FARSA: variants seen among roughly 807,000 people sequenced by gnomAD.
The protein encoded by FARSA is phenylalanine--tRNA ligase alpha subunit.
Under a neutral mutation model 63.2 loss-of-function variants are expected in FARSA, and 37 were observed. The observed-to-expected ratio is 0.59, with a 90% CI of 0.45 to 0.77. The LOEUF (loss-of-function observed/expected upper bound fraction) is 0.77. Among genes scored for constraint, FARSA ranks in the 30% least tolerant of loss-of-function variants. The pLI, the probability that FARSA is intolerant of heterozygous loss-of-function variation, is 0.00. For missense variants in FARSA, 618 were observed against 696.6 expected, an observed-to-expected ratio of 0.89 and a Z score of 1.27; for synonymous variants, 312 against 285.1, an observed-to-expected ratio of 1.09 and a Z score of -0.95.
chr19:12,929,535 A>G (rs563056716), intron 4 of FARSA, among the ~76,000 whole-genome samples: 2 of 151,876 alleles, frequency 1.3e-5, no homozygotes, highest in Admixed American at 1.3e-4. Flanking sequence ...GGGTCTCTCT[A>G]TGTTGCCCAG....
At chr19:12,925,060 C>A in intron 8 of FARSA, 30 bp downstream of exon 8, 1 of 1,612,426 alleles carries the variant, frequency 6.2e-7, no homozygotes, top group Middle Eastern at 1.7e-4. Flanking sequence ...CAGCCTCCTT[C>A]CCTTCCATAC....
At chr19:12,927,429 A>G (rs187707616) in intron 7 of FARSA, among the ~76,000 whole-genome samples, 270 of 152,096 alleles carry the variant, frequency 1.8e-3, no homozygotes, top group Non-Finnish European at 3.1e-3. Flanking sequence ...AGAACAAAAC[A>G]AAACAAAAAT....
intron 7 of FARSA, among the ~76,000 whole-genome samples, chr19:12,926,920 G>A (rs62109865): frequency 0.048 from 7,337 of 152,308 alleles, 234 homozygotes; most frequent in Middle Eastern, 0.071. Flanking sequence ...TGGCTAGTAT[G>A]TGATGAGTGC....
chr19:12,933,380 T>G, intron 1 of FARSA, 170 bp downstream of exon 1: 2 of 693,144 alleles, frequency 2.9e-6, no homozygotes, highest in Non-Finnish European at 4.6e-6. Flanking sequence ...GGAACATCCG[T>G]GCGTCTGGGC....
chr19:12,925,229 T>G lies in FARSA; in HGVS notation c.842-55A>C, dbSNP rs962913967. On this transcript the variant is annotated intron_variant, in intron 7 of 12. Coordinates refer to ENST00000314606, the MANE Select transcript of FARSA (RefSeq NM_004461.3). ...TCAACGAGCATTTCCCACCCCTTTT[T>G]TTTTTTCAGACAGGGTCTCACTGTT... The G allele has an allele frequency of 6.2e-6, 9 of 1,454,142 alleles. No homozygotes were observed. In the African/African-American group the frequency reaches 9.9e-5, roughly 16 times the overall value. The allele number at this position is 1,454,142 out of a possible 1,614,324, so 90.1% of individuals were successfully genotyped here. A position where few individuals can be genotyped will look rare whatever the true frequency, so the allele number is the denominator to read the frequency against.
At position 12,922,533 on chromosome 19, in the gene FARSA, G is replaced by A; in HGVS notation, c.*215C>T. 1.6e-6 allele frequency: 1 copy of A among 608,766 alleles called. No homozygotes were observed. The highest frequency in any genetic ancestry group is 2.8e-6 in the Non-Finnish European group (1 of 351,048). The allele number at this position is 608,766 out of a possible 1,614,324, so 37.7% of individuals were successfully genotyped here. ...TAGGTGGCCCACAGGTCTCCTCAGG[G>A]CCCACCCTCACAGTAGACACACCAC... On this transcript the variant is annotated 3_prime_UTR_variant, in exon 13 of 13. Coordinates refer to ENST00000314606, the MANE Select transcript of FARSA (RefSeq NM_004461.3).
chr19:12,922,601 G>T lies in FARSA; in HGVS notation c.*147C>A. On this transcript the variant is annotated 3_prime_UTR_variant, in exon 13 of 13. Coordinates refer to ENST00000314606, the MANE Select transcript of FARSA (RefSeq NM_004461.3). Reference sequence around the variant, plus strand: ...ACCTGCTACCCAGTCCTCTGTCCCTGGGATTCTGGTCCTGGGACAGGTGGG... The same window carrying T: ...ACCTGCTACCCAGTCCTCTGTCCCTTGGATTCTGGTCCTGGGACAGGTGGG... The T allele has an allele frequency of 3.1e-6, 3 of 977,768 alleles. No individual in the cohort carries two copies. The highest frequency in any genetic ancestry group is 2.5e-5 in the East Asian group (1 of 39,358). The allele number at this position is 977,768 out of a possible 1,614,324, so 60.6% of individuals were successfully genotyped here. A position where few individuals can be genotyped will look rare whatever the true frequency, so the allele number is the denominator to read the frequency against.
At chr19:12,931,127 T>C (rs1194983500) in intron 1 of FARSA, among the ~76,000 whole-genome samples, 1 of 152,180 alleles carries the variant, frequency 6.6e-6, no homozygotes, top group Non-Finnish European at 1.5e-5. Context: ...AAAGGGGGTC[T>C]CACCCTGTCA....
chr19:12,926,132 C>A (rs1481165506), intron 7 of FARSA, among the ~76,000 whole-genome samples: 1 of 150,728 alleles, frequency 6.6e-6, no homozygotes, highest in Non-Finnish European at 1.5e-5. Flanking sequence ...CCATGCCCAG[C>A]TAATTTTTGT....
chr19:12,927,729 CAAAAAAAA>C (rs71168636), intron 7 of FARSA, among the ~76,000 whole-genome samples: 4 of 30,642 alleles, frequency 1.3e-4, no homozygotes, highest in East Asian at 1.1e-3. Flanking sequence ...GAGACTGTCT[CAAAAAAAA>C]AAAAAAAAAA....
Position 12,933,639 on chromosome 19 carries a change from C to G in FARSA, c.58G>C (p.Gly20Arg), listed in dbSNP as rs759934148. The G allele has an allele frequency of 3.2e-6, 5 of 1,562,918 alleles. No homozygotes were observed. Among genetic ancestry groups the G allele is most frequent in the South Asian group, 1.2e-5 (1 of 85,742 alleles). The change falls in exon 1 of 13, where the codon GGC becomes CGC. Residue 20 changes from glycine to arginine, a missense_variant. Transcript: ENST00000314606. ...LLRRLEASDG[G>R]LDSAELAAEL... ...GCCGCCAACTCGGCGCTGTCCAGGC[C>G]GCCATCAGACGCCTCCAGCCGCCGG...
chr19:12,926,158 G>A (rs182043109), intron 7 of FARSA, among the ~76,000 whole-genome samples: 1 of 149,582 alleles, frequency 6.7e-6, no homozygotes, highest in African/African-American at 2.5e-5. Flanking sequence ...TAGTAGAGAT[G>A]GGATTTCACC....
chr19:12,928,290 G>T, intron 7 of FARSA, 52 bp downstream of exon 7: 2 of 1,446,276 alleles, frequency 1.4e-6, no homozygotes, highest in Non-Finnish European at 1.9e-6. Context: ...TAAAGGCTCC[G>T]CCGTGGCCTG....
intron 7 of FARSA, among the ~76,000 whole-genome samples, chr19:12,927,409 C>T (rs1464303364): frequency 1.3e-5 from 2 of 151,438 alleles, no homozygotes; most frequent in Non-Finnish European, 2.9e-5. Flanking sequence ...CCAGCCTGGG[C>T]AACATAGTGA....
Position 12,925,138 on chromosome 19 carries a change from A to T in FARSA, c.878T>A (p.Val293Asp), listed in dbSNP as rs772355851. 1 of 1,605,638 alleles carries T rather than the reference A, an allele frequency of 6.2e-7. No individual in the cohort carries two copies. Among genetic ancestry groups the T allele is most frequent in the Non-Finnish European group, 8.5e-7 (1 of 1,176,882 alleles). The stretch of plus-strand genomic sequence containing the variant: ...AGAGTGGGTCCGCTTGACCCGCTGG[A>T]CATAGTCCATTGGGAGCTGCAGGGC... ...AEALQLPMDY[V>D]QRVKRTHSQG... Residue 293 changes from valine to aspartate, a missense_variant, in exon 8 of 13, where the codon GTC becomes GAC. Coordinates refer to ENST00000314606, the MANE Select transcript of FARSA (RefSeq NM_004461.3).
chr19:12,929,673 G>A (rs534467227), intron 4 of FARSA, among the ~76,000 whole-genome samples: 2 of 152,312 alleles, frequency 1.3e-5, no homozygotes, highest in African/African-American at 4.8e-5. Flanking sequence ...ACCAGCAAAG[G>A]CCAGGTGACT....
chr19:12,928,028 A>AAAAG lies in FARSA; in HGVS notation c.841+313_841+314insCTTT, dbSNP rs1971347124. ...GACAGAGTGAGACCCTGTCTCAAAA[A>AAAAG]AAAAAAAAAAAAAAAAAAAGACTGC... is the stretch of plus-strand genomic sequence containing the variant. On this transcript the variant is annotated intron_variant, in intron 7 of 12. Transcript: ENST00000314606. Among the ~76,000 whole-genome samples, 3 of 136,756 alleles carry AAAAG rather than the reference A, an allele frequency of 2.2e-5. 1 individual carries two copies. The highest frequency in any genetic ancestry group is 2.0e-4 in the Admixed American group (3 of 14,702). The allele number at this position is 136,756 out of a possible 152,430, so 89.7% of individuals were successfully genotyped here.
intron 7 of FARSA, among the ~76,000 whole-genome samples, chr19:12,927,222 A>G (rs1028482535): frequency 9.2e-5 from 14 of 152,220 alleles, no homozygotes; most frequent in African/African-American, 3.4e-4. Context: ...CCTGCCTTGA[A>G]GATCTGGGAG....
At chr19:12,922,931 AC>A in intron 12 of FARSA, 45 bp from the exon 13 acceptor site, 1 of 1,612,786 alleles carries the variant, frequency 6.2e-7, no homozygotes, top group Non-Finnish European at 8.5e-7. Flanking sequence ...CAGCACGTGC[AC>A]CCTTCTGCTC....
Sources: allele counts gnomAD v4.1 joint callset (sites outside exome capture counted in the v4.1 genomes callset), GRCh38; gene constraint gnomAD v4.1.1; transcripts MANE v1.5; gene names NCBI Gene and HGNC (gene_info 2026-07-23, HGNC 2026-07-21).